The following COL19A1 variants were observed in gnomAD, a reference collection of about 807,000 sequenced individuals.
The protein encoded by COL19A1 is collagen type XIX alpha 1 chain, also known as collagen alpha-1(XIX) chain.
A neutral mutation model predicts 190.2 loss-of-function variants in COL19A1; 159 were observed. The observed-to-expected ratio is 0.84, with a 90% confidence interval of 0.73 to 0.95. COL19A1 has a LOEUF of 0.95. Among genes scored for constraint, COL19A1 ranks in the 40% least tolerant of loss-of-function variants. The pLI is 0.00. For missense variants in COL19A1, 1,418 were observed against 1,431.9 expected, an observed-to-expected ratio of 0.99 and a Z score of 0.16; for synonymous variants, 509 against 458.9, an observed-to-expected ratio of 1.11 and a Z score of -1.39.
Position 70,211,011 on chromosome 6 carries a change from C to T in COL19A1, c.*3737C>T, listed in dbSNP as rs563608460. On this transcript the variant is annotated 3_prime_UTR_variant, in exon 51 of 51. Transcript: ENST00000620364. ...ATTTTAGTGATCAATATGAAGACAGCTAAATAATTATCCTACTTTTTAGAC... is the reference window on the plus strand; with the variant it reads ...ATTTTAGTGATCAATATGAAGACAGTTAAATAATTATCCTACTTTTTAGAC... 1.3e-5 allele frequency among the ~76,000 whole-genome samples: 2 copies of T among 151,494 alleles called. No individual in the cohort carries two copies. The highest frequency in any genetic ancestry group is 4.2e-4 in the South Asian group (2 of 4,790).
chr6:69,955,944 T>A (rs1371751241), intron 9 of COL19A1, among the ~76,000 whole-genome samples: 1 of 152,038 alleles, frequency 6.6e-6, no homozygotes, highest in African/African-American at 2.4e-5. Flanking sequence ...ACAATGCAAA[T>A]TAAGCAGCAA....
At chr6:70,167,900 T>A (rs909240747) in intron 37 of COL19A1, 125 bp from the exon 38 acceptor site, 2 of 663,986 alleles carry the variant, frequency 3.0e-6, no homozygotes, top group Non-Finnish European at 5.0e-6. Flanking sequence ...AAATTCCCTT[T>A]GTAAAATAGA....
intron 11 of COL19A1, among the ~76,000 whole-genome samples, chr6:70,023,081 A>G (rs1485007478): frequency 6.6e-6 from 1 of 152,000 alleles, no homozygotes; most frequent in Non-Finnish European, 1.5e-5. Context: ...TGTTGCTTAT[A>G]GAAGAAAATA....
In COL19A1 at chr6:70,149,768, A is replaced by T. The variant is rs746809976; in HGVS notation, c.1929+29A>T. 3.1e-6 allele frequency: 5 copies of T among 1,613,632 alleles called. No individual in the cohort carries two copies. In the East Asian group the frequency reaches 1.1e-4, roughly 36 times the overall value. On this transcript the variant is annotated intron_variant, in intron 28 of 50. Coordinates refer to ENST00000620364, the MANE Select transcript of COL19A1 (RefSeq NM_001858.6). ...AGCTATTTAACTAATTTTTTAGCAC[A>T]GCAAAGCCAGCTTGCTTACTTGGGG...
chr6:69,920,031 A>G (rs1200716842), intron 4 of COL19A1, among the ~76,000 whole-genome samples: 2 of 152,120 alleles, frequency 1.3e-5, no homozygotes, highest in Admixed American at 6.6e-5. Flanking sequence ...GGTTAGGGTT[A>G]TTTTTCCCAA....
chr6:70,063,843 A>G (rs562879858), intron 14 of COL19A1, among the ~76,000 whole-genome samples: 1 of 152,350 alleles, frequency 6.6e-6, no homozygotes, highest in South Asian at 2.1e-4. Context: ...AGAATACTAT[A>G]AACACCTCTA....
intron 2 of COL19A1, among the ~76,000 whole-genome samples, chr6:69,885,557 G>C (rs1768865212): frequency 6.6e-6 from 1 of 152,016 alleles, no homozygotes; most frequent in South Asian, 2.1e-4. Context: ...TCCTTATGTT[G>C]CACATTCCAT....
chr6:70,136,505 T>C (rs1445606184), intron 18 of COL19A1, among the ~76,000 whole-genome samples: 2 of 152,172 alleles, frequency 1.3e-5, no homozygotes, highest in African/African-American at 2.4e-5. Flanking sequence ...TTAAAAACAA[T>C]GCTGAGTGGA....
intron 15 of COL19A1, among the ~76,000 whole-genome samples, chr6:70,098,973 C>CT (rs1433223665): frequency 1.4e-5 from 2 of 146,930 alleles, no homozygotes; most frequent in African/African-American, 5.1e-5. Flanking sequence ...AATCCCAACA[C>CT]TTTGGGAGGA....
At chr6:70,108,578 T>C (rs185213185) in intron 16 of COL19A1, among the ~76,000 whole-genome samples, 34 of 152,300 alleles carry the variant, frequency 2.2e-4, no homozygotes, top group Admixed American at 2.1e-3. Flanking sequence ...TTCAGGATTT[T>C]GTTACATTTA....
intron 15 of COL19A1, among the ~76,000 whole-genome samples, chr6:70,098,883 A>G (rs895000420): frequency 6.6e-6 from 1 of 151,830 alleles, no homozygotes; most frequent in Admixed American, 6.6e-5. Context: ...GAGAAGAACA[A>G]TGATGTCTGG....
intron 11 of COL19A1, among the ~76,000 whole-genome samples, chr6:70,003,437 G>T (rs917915561): frequency 6.6e-6 from 1 of 152,102 alleles, no homozygotes; most frequent in African/African-American, 2.4e-5. Flanking sequence ...TTAATTTCCT[G>T]TTTTATTGAT....
chr6:70,188,136 C>A lies in COL19A1; in HGVS notation c.2918C>A (p.Thr973Lys), dbSNP rs1193664509. ...GGTGAACGGGGAAAACCAGGCCTTA[C>A]AGGCATGAAGGGGGCCATCGGTCCT... is the stretch of plus-strand genomic sequence containing the variant. ...SQGERGKPGL[T>K]GMKGAIGPMG... The change falls in exon 47 of 51, where the codon ACA becomes AAA. Residue 973 changes from threonine to lysine, a missense_variant. Physicochemically the swap from Thr to Lys is moderately conservative, Grantham distance 78 (BLOSUM62 -1). Transcript: ENST00000620364. 3.7e-6 allele frequency: 6 copies of A among 1,613,842 alleles called. No homozygotes were observed. Among genetic ancestry groups the A allele is most frequent in the African/African-American group, 1.3e-5 (1 of 74,924 alleles).
At chr6:69,997,451 A>G (rs1241904954) in intron 11 of COL19A1, among the ~76,000 whole-genome samples, 1 of 152,248 alleles carries the variant, frequency 6.6e-6, no homozygotes, top group Non-Finnish European at 1.5e-5. Context: ...CTTTACAGAA[A>G]TATTGTAAAT....
At chr6:69,872,115 C>A (rs1276099892) in intron 1 of COL19A1, among the ~76,000 whole-genome samples, 1 of 152,178 alleles carries the variant, frequency 6.6e-6, no homozygotes, top group Non-Finnish European at 1.5e-5. Flanking sequence ...CCATGCCTGG[C>A]TGTACATGTT....
At chr6:70,032,587 TATC>T (rs1421642965) in intron 12 of COL19A1, among the ~76,000 whole-genome samples, 1 of 152,180 alleles carries the variant, frequency 6.6e-6, no homozygotes, top group Non-Finnish European at 1.5e-5. Flanking sequence ...ATCCAACTGT[TATC>T]ATTTAAGCAT....
Position 69,962,822 on chromosome 6 carries a change from A to T in COL19A1, c.982-4A>T. 1 of 1,604,450 alleles carries T rather than the reference A, an allele frequency of 6.2e-7. No homozygotes were observed. On this transcript the variant is annotated splice_polypyrimidine_tract_variant and splice_region_variant and intron_variant, in intron 10 of 50. Transcript: ENST00000620364. ...ACTATACACATCATATTCCTCTTCT[A>T]CAGGGAGAGCAAGGTTTTGAAGGCA...
At chr6:70,010,814 G>A (rs1306964021) in intron 11 of COL19A1, among the ~76,000 whole-genome samples, 2 of 125,350 alleles carry the variant, frequency 1.6e-5, no homozygotes, top group Non-Finnish European at 3.2e-5. Context: ...GGCTTGCTTA[G>A]GTAAACAAAG....
At chr6:69,973,362 C>T (rs1292217111) in intron 11 of COL19A1, among the ~76,000 whole-genome samples, 1 of 152,160 alleles carries the variant, frequency 6.6e-6, no homozygotes, top group African/African-American at 2.4e-5. Flanking sequence ...TCTCTTCACC[C>T]CCACTGCTTT....
Sources: gnomAD v4.1 joint callset for allele counts (sites outside exome capture counted in the v4.1 genomes callset) on GRCh38, gnomAD v4.1.1 for gene constraint, MANE v1.5 for transcripts, NCBI Gene and HGNC (gene_info 2026-07-23, HGNC 2026-07-21) for gene names.